Variants in ZNF423 observed in about 807,000 individuals in gnomAD.
The protein encoded by ZNF423 is zinc finger protein 423.
In ZNF423, 12 loss-of-function variants were observed where a neutral mutation model predicts 95.8. The observed-to-expected ratio is 0.13, with a 90% CI of 0.08 to 0.20. The LOEUF is 0.20. Ranked by LOEUF, ZNF423 falls within the 10% of genes least tolerant of loss-of-function variation. The pLI is 1.00. For missense variants in ZNF423, 1,316 were observed against 1,737.1 expected (o/e 0.76, Z 4.31); for synonymous variants, 749 against 711.9 (o/e 1.05, Z -0.83).
In ZNF423 at chr16:49,731,280, C is replaced by T. The variant is rs888424988; in HGVS notation, c.101-309G>A. The T allele has an allele frequency of 5.1e-6, 5 of 982,890 alleles. No homozygotes were observed. The South Asian group carries it at 1.4e-4, about 28-fold the overall frequency. 60.9% of individuals were successfully genotyped at this position (982,890 alleles called of 1,614,324 possible). A position where few individuals can be genotyped will look rare whatever the true frequency, so the allele number is the denominator to read the frequency against. The stretch of plus-strand genomic sequence containing the variant: ...AAAAACCTTATTTGTCTCCTAAAAA[C>T]CAGATTCAGTTACACACCTTTTTAA... On this transcript the variant is annotated intron_variant, in intron 2 of 7. Transcript: ENST00000563137.
chr16:49,673,430 G>A (rs560323145), intron 3 of ZNF423, among the ~76,000 whole-genome samples: 10 of 152,326 alleles, frequency 6.6e-5, no homozygotes, highest in South Asian at 4.1e-4. Context: ...CAGCGTGAGC[G>A]GTGGTGTCCA....
intron 7 of ZNF423, among the ~76,000 whole-genome samples, chr16:49,519,120 A>T (rs1408090122): frequency 6.6e-6 from 1 of 152,224 alleles, no homozygotes; most frequent in South Asian, 2.1e-4. Flanking sequence ...GTTGCCTTTT[A>T]CTGCTGAGAA....
At chr16:49,798,139 G>T (rs904087072) in intron 1 of ZNF423, among the ~76,000 whole-genome samples, 1 of 152,214 alleles carries the variant, frequency 6.6e-6, no homozygotes, top group African/African-American at 2.4e-5. Flanking sequence ...GAGCCCAGGA[G>T]TTCGAGGCTG....
chr16:49,620,625 C>T (rs924836636), intron 5 of ZNF423, among the ~76,000 whole-genome samples: 2 of 152,198 alleles, frequency 1.3e-5, no homozygotes, highest in African/African-American at 4.8e-5. Context: ...CCCTGAGGAC[C>T]ATCCCTTCCC....
intron 7 of ZNF423, among the ~76,000 whole-genome samples, chr16:49,521,980 G>C (rs1237658921): frequency 6.6e-6 from 1 of 152,226 alleles, no homozygotes; most frequent in Non-Finnish European, 1.5e-5. Context: ...AGTAAGAAGG[G>C]GGCCCCCTAC....
At chr16:49,506,055 C>T (rs898751733) in intron 7 of ZNF423, among the ~76,000 whole-genome samples, 2 of 152,006 alleles carry the variant, frequency 1.3e-5, no homozygotes, top group Non-Finnish European at 2.9e-5. Context: ...TGTGTGCTTT[C>T]GTGTGTGTGT....
At chr16:49,799,719 C>T (rs2034552584) in intron 1 of ZNF423, among the ~76,000 whole-genome samples, 1 of 152,134 alleles carries the variant, frequency 6.6e-6, no homozygotes, top group Non-Finnish European at 1.5e-5. Context: ...CTAATAAAAA[C>T]ATGATGATGA....
At chr16:49,691,891 C>T (rs1158078534) in intron 3 of ZNF423, among the ~76,000 whole-genome samples, 4 of 152,018 alleles carry the variant, frequency 2.6e-5, no homozygotes, top group Admixed American at 6.6e-5. Flanking sequence ...AGGGACAGGG[C>T]GGCTGTGGCC....
Position 49,636,253 on chromosome 16 carries a change from G to A in ZNF423, c.2923C>T (p.Arg975Cys), listed in dbSNP as rs773112623. The A allele has an allele frequency of 1.8e-5, 29 of 1,612,864 alleles. No individual in the cohort carries two copies. Among genetic ancestry groups the A allele is most frequent in the Non-Finnish European group, 2.3e-5 (27 of 1,180,008 alleles). ...GTGAGCGTCAGCAGCGAAGGGAAGC[G>A]CTCACCACAGATGGGACACATGTAG... The part of the protein sequence containing the change: ...KHYMCPICGE[R>C]FPSLLTLTEH... Residue 975 changes from arginine to cysteine, a missense_variant, in exon 4 of 8, where the codon CGC becomes TGC. Physicochemically the swap from Arg to Cys is radical, Grantham distance 180 (BLOSUM62 -3). Around this residue, in one of 6 missense-constraint regions of ZNF423, gnomAD observed 620 missense variants for 775.6 expected, o/e 0.80. Coordinates refer to ENST00000563137, the MANE Select transcript of ZNF423 (RefSeq NM_001379286.1). This position sits in a 1 kb window ranked among gnomAD's most constrained non-coding sequence, Gnocchi z 8.6.
chr16:49,527,364 C>T (rs1338622900), intron 5 of ZNF423, among the ~76,000 whole-genome samples: 1 of 152,204 alleles, frequency 6.6e-6, no homozygotes, highest in Non-Finnish European at 1.5e-5. Flanking sequence ...AGGCTCAGCA[C>T]GCTCGCCCTG....
chr16:49,675,842 G>A (rs970619255), intron 3 of ZNF423, among the ~76,000 whole-genome samples: 6 of 151,938 alleles, frequency 3.9e-5, no homozygotes, highest in Admixed American at 1.3e-4. Context: ...ACCTACACAC[G>A]AGCCTGTGTG....
chr16:49,798,251 T>G (rs1218972521), intron 1 of ZNF423, among the ~76,000 whole-genome samples: 1 of 152,154 alleles, frequency 6.6e-6, no homozygotes. Context: ...CTCATGCCTG[T>G]AATCCCAACA....
At chr16:49,737,407 T>A (rs1437121563) in intron 2 of ZNF423, among the ~76,000 whole-genome samples, 1 of 152,126 alleles carries the variant, frequency 6.6e-6, no homozygotes, top group African/African-American at 2.4e-5. Context: ...GTAGCTGGGA[T>A]TACAGGCAAG....
chr16:49,801,326 T>C (rs2034580073), intron 1 of ZNF423, among the ~76,000 whole-genome samples: 1 of 152,224 alleles, frequency 6.6e-6, no homozygotes, highest in South Asian at 2.1e-4. Flanking sequence ...CCTCAGCTCC[T>C]GCCTGAAAGT....
At chr16:49,517,658 A>G (rs927848193) in intron 7 of ZNF423, 4 of 250,960 alleles carry the variant, frequency 1.6e-5, no homozygotes, top group South Asian at 4.3e-5. Flanking sequence ...GCTTTAAGCC[A>G]TAACAAAATG....
At position 49,636,795 on chromosome 16, in the gene ZNF423, C is replaced by T; in HGVS notation, c.2381G>A (p.Cys794Tyr). 6.2e-7 allele frequency: 1 copy of T among 1,614,156 alleles called. No individual in the cohort carries two copies. The highest frequency in any genetic ancestry group is 8.5e-7 in the Non-Finnish European group (1 of 1,180,034). Residue 794 changes from cysteine (C) to tyrosine (Y), a missense_variant, in exon 4 of 8, where the codon TGT (cysteine) becomes TAT (tyrosine). Cys to Tyr is a radical substitution (Grantham distance 194, BLOSUM62 -2). Around this residue, in one of 6 missense-constraint regions of ZNF423, gnomAD observed 620 missense variants for 775.6 expected, o/e 0.80. Coordinates refer to ENST00000563137, the MANE Select transcript of ZNF423 (RefSeq NM_001379286.1). This position sits in a 1 kb window ranked among gnomAD's most constrained non-coding sequence, Gnocchi z 8.6. ...NPAKAHKCIF[C>Y]GETFSTEVEL... ...CACCTCGGTGCTGAAGGTCTCCCCA[C>T]AGAAGATGCACTTGTGAGCCTTGGC...
intron 1 of ZNF423, among the ~76,000 whole-genome samples, chr16:49,814,074 G>A (rs2034797697): frequency 6.6e-6 from 1 of 152,214 alleles, no homozygotes; most frequent in Non-Finnish European, 1.5e-5. Context: ...CAGTTCCAGG[G>A]AAGGCGTGAG....
At chr16:49,751,400 TC>T (rs2033631290) in intron 2 of ZNF423, among the ~76,000 whole-genome samples, 1 of 151,958 alleles carries the variant, frequency 6.6e-6, no homozygotes, top group Non-Finnish European at 1.5e-5. Flanking sequence ...AGAGATGAAG[TC>T]TTACTATGTT....
rs1016932779 is a variant in ZNF423 at position 49,855,106 on chromosome 16, G to C, written c.40+629C>G. 8.4e-6 allele frequency: 8 copies of C among 947,306 alleles called. No individual in the cohort carries two copies. In the Admixed American group the frequency reaches 4.3e-4, roughly 51 times the overall value. 58.7% of individuals were successfully genotyped at this position (947,306 alleles called of 1,614,324 possible). A position where few individuals can be genotyped will look rare whatever the true frequency, so the allele number is the denominator to read the frequency against. On this transcript the variant is annotated intron_variant, in intron 1 of 7. Transcript: ENST00000563137. The surrounding 1 kb of genome is among the most constrained non-coding windows in gnomAD (Gnocchi z 4.7). Reference sequence around the variant, plus strand: ...CTCGGTGGAGGAGGCAGGAAGTGCAGGGGCCCGGGCCGGGAGAAGGCCTGG... The same window carrying C: ...CTCGGTGGAGGAGGCAGGAAGTGCACGGGCCCGGGCCGGGAGAAGGCCTGG...
Sources: allele counts gnomAD v4.1 joint callset (sites outside exome capture counted in the v4.1 genomes callset), GRCh38; gene constraint gnomAD v4.1.1; regional missense constraint gnomAD v4.1.1; non-coding constraint Gnocchi (gnomAD v3.1); transcripts MANE v1.5; gene names NCBI Gene and HGNC (gene_info 2026-07-23, HGNC 2026-07-21).